PTK2: variants seen among roughly 807,000 people sequenced by gnomAD.
PTK2 encodes protein tyrosine kinase 2.
In PTK2, 45 loss-of-function variants were observed where a neutral mutation model predicts 150.1. The ratio of observed to expected loss-of-function variants is 0.30; its 90% confidence interval spans 0.24 to 0.38. The LOEUF (loss-of-function observed/expected upper bound fraction) is 0.38. Ranked by LOEUF, PTK2 falls within the 10% of genes least tolerant of loss-of-function variation. The pLI is 1.00. For synonymous variants in PTK2, 432 were observed against 449.2 expected (o/e 0.96, Z 0.48); for missense variants, 919 against 1,307.3 (o/e 0.70, Z 4.58).
At chr8:140,796,871 T>TACAC (rs150855965) in intron 12 of PTK2, among the ~76,000 whole-genome samples, 5 of 151,164 alleles carry the variant, frequency 3.3e-5, no homozygotes, top group Non-Finnish European at 5.9e-5. Flanking sequence ...AGTTTGGAGA[T>TACAC]ACACACACAC....
chr8:140,961,386 G>A (rs78166750), intron 1 of PTK2, among the ~76,000 whole-genome samples: 3,781 of 152,250 alleles, frequency 0.025, 149 homozygotes, highest in African/African-American at 0.085. Context: ...TACAGGCCGA[G>A]CGTGGTGGCT....
chr8:140,909,776 A>G (rs1310708102), intron 2 of PTK2, among the ~76,000 whole-genome samples: 3 of 152,206 alleles, frequency 2.0e-5, no homozygotes, highest in Non-Finnish European at 1.5e-5. Flanking sequence ...ATATTCTTTA[A>G]ACAGAAATCC....
chr8:140,805,098 C>T (rs913116424), intron 10 of PTK2, among the ~76,000 whole-genome samples: 3 of 152,150 alleles, frequency 2.0e-5, no homozygotes, highest in Non-Finnish European at 4.4e-5. Context: ...AGTCCTGGGG[C>T]GTTAAGTACC....
intron 1 of PTK2, among the ~76,000 whole-genome samples, chr8:140,993,243 G>C (rs1350808528): frequency 6.6e-6 from 1 of 152,164 alleles, no homozygotes; most frequent in Non-Finnish European, 1.5e-5. Context: ...GTGAGTCTGA[G>C]CTCAGATGAT....
chr8:140,927,077 A>G (rs2100169740), intron 1 of PTK2, among the ~76,000 whole-genome samples: 1 of 152,226 alleles, frequency 6.6e-6, no homozygotes, highest in South Asian at 2.1e-4. Flanking sequence ...GCAGTGGTAG[A>G]AGCATGACAA....
chr8:140,776,705 T>C (rs945349568), intron 14 of PTK2, among the ~76,000 whole-genome samples: 3 of 152,184 alleles, frequency 2.0e-5, no homozygotes, highest in Non-Finnish European at 4.4e-5. Flanking sequence ...GAAATGCTTA[T>C]GAGACATCAG....
intron 15 of PTK2, 72 bp downstream of exon 17, chr8:140,764,162 G>C (rs1234238283): frequency 2.5e-6 from 3 of 1,210,960 alleles, no homozygotes; most frequent in Admixed American, 1.7e-5. Context: ...AAGACAGTAA[G>C]TATCAATAAC....
chr8:140,867,261 A>T (rs1419025029), intron 4 of PTK2, among the ~76,000 whole-genome samples: 1 of 152,190 alleles, frequency 6.6e-6, no homozygotes, highest in Admixed American at 6.5e-5. Flanking sequence ...AGGAAGAAGG[A>T]GGGAGACTAG....
intron 4 of PTK2, among the ~76,000 whole-genome samples, chr8:140,876,316 C>T (rs2100145492): frequency 6.6e-6 from 1 of 152,142 alleles, no homozygotes; most frequent in African/African-American, 2.4e-5. Context: ...TCACCCTGTT[C>T]TTGAATGGCA....
intron 10 of PTK2, among the ~76,000 whole-genome samples, chr8:140,816,228 A>G (rs1463958234): frequency 6.6e-6 from 1 of 152,220 alleles, no homozygotes; most frequent in East Asian, 1.9e-4. Context: ...CCAAAAAGTC[A>G]TTCAACATAA....
At chr8:140,730,008 A>G (rs770405594) in intron 22 of PTK2, among the ~76,000 whole-genome samples, 17 of 152,240 alleles carry the variant, frequency 1.1e-4, no homozygotes, top group South Asian at 2.1e-4. Context: ...ACATTGCTCT[A>G]TAACTACTAG....
chr8:140,958,189 G>GT (rs2100181853), intron 1 of PTK2, among the ~76,000 whole-genome samples: 1 of 152,220 alleles, frequency 6.6e-6, no homozygotes, highest in South Asian at 2.1e-4. Flanking sequence ...CCAGGCCAGA[G>GT]TACAGTGGTG....
chr8:140,989,520 T>C (rs1238030221), intron 1 of PTK2, among the ~76,000 whole-genome samples: 1 of 150,500 alleles, frequency 6.6e-6, no homozygotes, highest in Non-Finnish European at 1.5e-5. Flanking sequence ...AAGCTACAAA[T>C]TAATGAATTT....
At chr8:140,710,296 C>T (rs1564844336) in intron 23 of PTK2, among the ~76,000 whole-genome samples, 1 of 147,924 alleles carries the variant, frequency 6.8e-6, no homozygotes, top group Non-Finnish European at 1.5e-5. Flanking sequence ...TATCACTGCA[C>T]TCCAGCCTGG....
rs752926073 is a variant in PTK2 at position 140,879,460 on chromosome 8, T to G, written c.362+11A>C. 41 of 1,594,118 alleles carry G rather than the reference T, an allele frequency of 2.6e-5. No homozygotes were observed. In the South Asian group the frequency reaches 4.5e-4, roughly 18 times the overall value. The stretch of plus-strand genomic sequence containing the variant: ...AAGTGTGCATCACACCAAAGCAGGT[T>G]TGTATCTTACTTCCACTCCTCTGGT... On this transcript the variant is annotated intron_variant, in intron 4 of 31. Transcript: ENST00000522684.
intron 8 of PTK2, among the ~76,000 whole-genome samples, chr8:140,829,508 T>G (rs1485728408): frequency 6.6e-6 from 1 of 152,204 alleles, no homozygotes; most frequent in Non-Finnish European, 1.5e-5. Context: ...TAATCTCGTG[T>G]TAGAAATGGA....
intron 2 of PTK2, among the ~76,000 whole-genome samples, chr8:140,899,477 A>G (rs889051695): frequency 5.9e-5 from 9 of 152,238 alleles, no homozygotes; most frequent in African/African-American, 2.2e-4. Context: ...AAGAAACAAG[A>G]AAACCTCAAT....
At chr8:140,946,410 C>G (rs369283293) in intron 1 of PTK2, among the ~76,000 whole-genome samples, 2 of 152,026 alleles carry the variant, frequency 1.3e-5, no homozygotes, top group African/African-American at 4.8e-5. Flanking sequence ...GGAAAGACCA[C>G]GTAAGAGAGA....
chr8:140,869,277 T>G (rs528525746), intron 4 of PTK2, among the ~76,000 whole-genome samples: 86 of 152,348 alleles, frequency 5.6e-4, no homozygotes, highest in Admixed American at 1.1e-3. Flanking sequence ...ACTGGCAGCT[T>G]CTTCTTTAAT....
Sources: gnomAD v4.1 joint callset for allele counts (sites outside exome capture counted in the v4.1 genomes callset) on GRCh38, gnomAD v4.1.1 for gene constraint, MANE v1.5 for transcripts, NCBI Gene and HGNC (gene_info 2026-07-23, HGNC 2026-07-21) for gene names.